Variants in SWT1 observed in about 807,000 individuals in gnomAD.
The protein encoded by SWT1 is transcriptional protein SWT1.
A neutral mutation model predicts 107.3 loss-of-function variants in SWT1; 33 were observed. The observed-to-expected ratio is 0.31, with a 90% CI of 0.23 to 0.41. The LOEUF (loss-of-function observed/expected upper bound fraction) is 0.41. Ranked by LOEUF, SWT1 falls within the 10% of genes least tolerant of loss-of-function variation. The pLI, the probability that SWT1 is intolerant of heterozygous loss-of-function variation, is 1.00. For synonymous variants in SWT1, 345 were observed against 348.3 expected (o/e 0.99, Z 0.11); for missense variants, 898 against 1,028.9 (o/e 0.87, Z 1.74).
intron 1 of SWT1, among the ~76,000 whole-genome samples, chr1:185,160,397 T>C (rs1472199149): frequency 2.0e-5 from 3 of 152,078 alleles, no homozygotes; most frequent in Non-Finnish European, 2.9e-5. Context: ...TCTTGTCATA[T>C]TGGGAATGGT....
chr1:185,290,569 T>A (rs1302079654), intron 18 of SWT1, 105 bp from the exon 19 acceptor site: 9 of 727,860 alleles, frequency 1.2e-5, no homozygotes, highest in Admixed American at 7.1e-5. Context: ...ACATAATATA[T>A]ATATATTTTT....
chr1:185,284,573 G>C (rs1664837322), intron 18 of SWT1, among the ~76,000 whole-genome samples: 1 of 152,200 alleles, frequency 6.6e-6, no homozygotes, highest in Admixed American at 6.5e-5. Flanking sequence ...CTCAGCCCTT[G>C]TTACAAGCAA....
At chr1:185,278,116 C>T (rs141860503) in intron 18 of SWT1, among the ~76,000 whole-genome samples, 144 of 152,196 alleles carry the variant, frequency 9.5e-4, no homozygotes, top group African/African-American at 3.4e-3. Flanking sequence ...GCATGAGCCA[C>T]CATGCCCAGC....
intron 18 of SWT1, among the ~76,000 whole-genome samples, chr1:185,279,765 G>A (rs1170504277): frequency 1.3e-5 from 2 of 150,458 alleles, no homozygotes; most frequent in African/African-American, 2.5e-5. Flanking sequence ...GAAGATGAAA[G>A]GTGACACCAT....
intron 16 of SWT1, among the ~76,000 whole-genome samples, chr1:185,244,184 C>A (rs773413353): frequency 1.4e-4 from 21 of 152,054 alleles, no homozygotes; most frequent in Admixed American, 7.2e-4. Flanking sequence ...GCTGTCCTCT[C>A]GCCTCAGCCT....
At chr1:185,255,044 A>G (rs1379420988) in intron 16 of SWT1, among the ~76,000 whole-genome samples, 1 of 152,046 alleles carries the variant, frequency 6.6e-6, no homozygotes, top group Admixed American at 6.6e-5. Context: ...TGTACCCAGT[A>G]GTCATTCAGG....
intron 16 of SWT1, among the ~76,000 whole-genome samples, chr1:185,248,546 T>A (rs1181857634): frequency 6.6e-6 from 1 of 152,194 alleles, no homozygotes; most frequent in Non-Finnish European, 1.5e-5. Flanking sequence ...TTACACACCC[T>A]ATTTATTCCT....
chr1:185,286,653 T>A lies in SWT1; in HGVS notation c.2574-4021T>A, dbSNP rs191929411. Among the ~76,000 whole-genome samples, 51 of 152,326 alleles carry A rather than the reference T, an allele frequency of 3.3e-4. No homozygotes were observed. In the East Asian group the frequency reaches 9.6e-3, roughly 29 times the overall value. ...TAATGTATAGAAATACAATTGATTT[T>A]GTGTGTTGATCTTTTACATTGCAAC... On this transcript the variant is annotated intron_variant, in intron 18 of 18. Transcript: ENST00000367500.
At chr1:185,281,049 C>A in intron 18 of SWT1, 1 of 267,208 alleles carries the variant, frequency 3.7e-6, no homozygotes, top group African/African-American at 2.3e-5. Flanking sequence ...ATGAAGATGA[C>A]AAAGATGATC....
intron 6 of SWT1, among the ~76,000 whole-genome samples, chr1:185,180,980 C>G (rs924952576): frequency 1.3e-5 from 2 of 152,128 alleles, no homozygotes; most frequent in African/African-American, 4.8e-5. Context: ...TTTTTAAAGA[C>G]TTTCAGGCAA....
intron 16 of SWT1, among the ~76,000 whole-genome samples, chr1:185,235,207 CA>C (rs1172594379): frequency 5.3e-5 from 8 of 152,170 alleles, no homozygotes; most frequent in African/African-American, 1.7e-4. Context: ...CTCCCTAATG[CA>C]TTTTATGAGG....
At chr1:185,175,881 G>A (rs781269902) in intron 5 of SWT1, among the ~76,000 whole-genome samples, 1 of 152,164 alleles carries the variant, frequency 6.6e-6, no homozygotes, top group Non-Finnish European at 1.5e-5. Context: ...AGTGAAGAGA[G>A]ACACAAGCAA....
chr1:185,234,228 C>T (rs1463024584), intron 16 of SWT1, among the ~76,000 whole-genome samples: 1 of 152,076 alleles, frequency 6.6e-6, no homozygotes, highest in African/African-American at 2.4e-5. Context: ...TAAAGTCTAC[C>T]ACTATTATTG....
Position 185,194,172 on chromosome 1 carries a change from C to T in SWT1, c.1523+3530C>T, listed in dbSNP as rs578119206. Among the ~76,000 whole-genome samples the T allele has an allele frequency of 5.3e-5, 8 of 152,144 alleles. No homozygotes were observed. In the East Asian group the frequency reaches 1.5e-3, roughly 29 times the overall value. ...TATCCTTTTACTTTTAGCCCCTCTA[C>T]GCCTGTATATTTAAAGTAAGTTTCT... is the stretch of plus-strand genomic sequence containing the variant. On this transcript the variant is annotated intron_variant, in intron 10 of 18. Transcript: ENST00000367500.
At chr1:185,285,440 A>G (rs1292080848) in intron 18 of SWT1, among the ~76,000 whole-genome samples, 3 of 152,234 alleles carry the variant, frequency 2.0e-5, no homozygotes, top group African/African-American at 7.2e-5. Context: ...TATTCTGGAT[A>G]TTAGACCCTT....
At chr1:185,213,660 A>G (rs1324122939) in intron 13 of SWT1, among the ~76,000 whole-genome samples, 1 of 152,174 alleles carries the variant, frequency 6.6e-6, no homozygotes, top group Non-Finnish European at 1.5e-5. Context: ...CAAAAAGTAA[A>G]CAACAGTATA....
At chr1:185,239,402 T>A (rs139404964) in intron 16 of SWT1, among the ~76,000 whole-genome samples, 156 of 152,230 alleles carry the variant, frequency 1.0e-3, no homozygotes, top group African/African-American at 3.5e-3. Context: ...TTAAGAAAAC[T>A]CTAAACATGA....
intron 10 of SWT1, among the ~76,000 whole-genome samples, chr1:185,194,032 T>C (rs1015431099): frequency 7.2e-5 from 11 of 152,218 alleles, no homozygotes; most frequent in African/African-American, 2.4e-4. Flanking sequence ...TTTATAATTA[T>C]ATAATGTCCT....
At chr1:185,180,297 A>G (rs1655912670) in intron 5 of SWT1, 94 bp from the exon 6 acceptor site, 5 of 991,384 alleles carry the variant, frequency 5.0e-6, no homozygotes, top group Non-Finnish European at 8.0e-6. Context: ...CCCTAAAGTG[A>G]ATTATCTGAC....
Sources: allele counts gnomAD v4.1 joint callset (sites outside exome capture counted in the v4.1 genomes callset), GRCh38; gene constraint gnomAD v4.1.1; transcripts MANE v1.5; gene names NCBI Gene and HGNC (gene_info 2026-07-23, HGNC 2026-07-21).